The following SV2C variants were observed in gnomAD, a reference collection of about 807,000 sequenced individuals.
SV2C encodes the protein solute carrier family 22 member B3.
A neutral mutation model predicts 79.7 loss-of-function variants in SV2C; 49 were observed. The observed-to-expected ratio is 0.61, with a 90% CI of 0.49 to 0.78. The LOEUF (loss-of-function observed/expected upper bound fraction) is 0.78. SV2C is among the 30% of genes least tolerant of loss of function. SV2C has a pLI of 0.00. For missense variants in SV2C, 833 were observed against 912.9 expected, an observed-to-expected ratio of 0.91 and a Z score of 1.13; for synonymous variants, 334 against 333.2, an observed-to-expected ratio of 1.00 and a Z score of -0.03.
the SV2C span, among the ~76,000 whole-genome samples, chr5:76,058,406 A>G: frequency 6.6e-6 from 1 of 152,156 alleles, no homozygotes; most frequent in African/African-American, 2.4e-5. Context: ...GACAACTTCA[A>G]GCTAACTGTC....
At chr5:75,868,289 G>C in the SV2C span, among the ~76,000 whole-genome samples, 1 of 152,170 alleles carries the variant, frequency 6.6e-6, no homozygotes, top group African/African-American at 2.4e-5. Flanking sequence ...TAACACCCAT[G>C]TATACAAAAC....
At chr5:76,301,726 T>C (rs1355977526) in intron 12 of SV2C, among the ~76,000 whole-genome samples, 181 bp downstream of exon 12, 1 of 151,948 alleles carries the variant, frequency 6.6e-6, no homozygotes, top group Non-Finnish European at 1.5e-5. Flanking sequence ...CTGGCCAATA[T>C]GGTGAAACCT....
intron 2 of SV2C, among the ~76,000 whole-genome samples, chr5:76,138,455 C>T (rs1023837889): frequency 1.3e-5 from 2 of 152,164 alleles, no homozygotes; most frequent in African/African-American, 4.8e-5. Context: ...GAGTAATCAC[C>T]TGTTGAACTT....
chr5:76,274,347 C>T (rs939756701), intron 4 of SV2C, among the ~76,000 whole-genome samples: 1 of 152,082 alleles, frequency 6.6e-6, no homozygotes, highest in African/African-American at 2.4e-5. Context: ...AGTAAAAGTC[C>T]TCATGAGCTT....
At chr5:76,198,839 A>G (rs1184947913) in intron 3 of SV2C, among the ~76,000 whole-genome samples, 1 of 152,012 alleles carries the variant, frequency 6.6e-6, no homozygotes, top group Admixed American at 6.6e-5. Context: ...ACATTGTAAC[A>G]CCTACTCTAC....
intron 4 of SV2C, among the ~76,000 whole-genome samples, chr5:76,223,076 C>A (rs918547179): frequency 6.6e-6 from 1 of 152,124 alleles, no homozygotes; most frequent in Non-Finnish European, 1.5e-5. Flanking sequence ...CCAGCTACCC[C>A]TTGTCTGTCC....
chr5:75,932,189 C>A, the SV2C span, among the ~76,000 whole-genome samples: 1 of 152,226 alleles, frequency 6.6e-6, no homozygotes, highest in Non-Finnish European at 1.5e-5. Flanking sequence ...CAGGGAGCCA[C>A]TTCCTTCTTC....
intron 4 of SV2C, among the ~76,000 whole-genome samples, chr5:76,239,871 A>G (rs1745728384): frequency 6.6e-6 from 1 of 152,186 alleles, no homozygotes; most frequent in South Asian, 2.1e-4. Context: ...GTGGATCGCT[A>G]GGGGCATCTT....
chr5:76,041,830 T>A, the SV2C span, among the ~76,000 whole-genome samples: 1 of 152,202 alleles, frequency 6.6e-6, no homozygotes, highest in African/African-American at 2.4e-5. Flanking sequence ...CTTGTTGTCA[T>A]CTTTCATTAC....
intron 4 of SV2C, among the ~76,000 whole-genome samples, chr5:76,261,596 T>G (rs1484246791): frequency 6.6e-6 from 1 of 152,208 alleles, no homozygotes; most frequent in Non-Finnish European, 1.5e-5. Context: ...CAAATAGATT[T>G]ATTATTTTGA....
At chr5:76,240,472 G>A (rs1745752044) in intron 4 of SV2C, among the ~76,000 whole-genome samples, 1 of 152,162 alleles carries the variant, frequency 6.6e-6, no homozygotes, top group African/African-American at 2.4e-5. Context: ...GAAGTGCAGG[G>A]GAAGTAACTA....
At chr5:76,254,322 C>G (rs1746207343) in intron 4 of SV2C, among the ~76,000 whole-genome samples, 1 of 151,174 alleles carries the variant, frequency 6.6e-6, no homozygotes, top group Non-Finnish European at 1.5e-5. Flanking sequence ...ATCCAGCCAG[C>G]CAATGTGGCA....
At chr5:76,003,013 G>C in the SV2C span, among the ~76,000 whole-genome samples, 2 of 152,094 alleles carry the variant, frequency 1.3e-5, no homozygotes, top group Admixed American at 1.3e-4. Flanking sequence ...GAATCATGGG[G>C]GTTGTTTCCC....
chr5:76,291,735 G>A (rs1205371162), intron 7 of SV2C, 33 bp from the exon 8 acceptor site: 1 of 1,520,954 alleles, frequency 6.6e-7, no homozygotes, highest in Non-Finnish European at 9.1e-7. Context: ...CTAAGTAACT[G>A]CATGAGAAAA....
the SV2C span, among the ~76,000 whole-genome samples, chr5:76,037,883 C>T: frequency 1.3e-5 from 2 of 152,332 alleles, no homozygotes; most frequent in African/African-American, 4.8e-5. Flanking sequence ...GCTGTGCTAG[C>T]AATCAGTGAG....
At chr5:76,252,306 A>C (rs1486748922) in intron 4 of SV2C, among the ~76,000 whole-genome samples, 2 of 152,166 alleles carry the variant, frequency 1.3e-5, no homozygotes, top group Non-Finnish European at 1.5e-5. Context: ...TTTTTAGTAG[A>C]GATGGGGTTT....
chr5:75,953,324 T>G, the SV2C span, among the ~76,000 whole-genome samples: 2 of 151,970 alleles, frequency 1.3e-5, no homozygotes, highest in African/African-American at 4.8e-5. Flanking sequence ...TACCCAACAC[T>G]GAGGGTCACA....
At chr5:76,347,057 G>A (rs1749558480) in intron 12 of SV2C, among the ~76,000 whole-genome samples, 1 of 152,162 alleles carries the variant, frequency 6.6e-6, no homozygotes, top group South Asian at 2.1e-4. Context: ...AAGTGAGAGG[G>A]AAAAAAGAGG....
chr5:76,284,917 A>G (rs537216360), intron 4 of SV2C, among the ~76,000 whole-genome samples: 2 of 152,298 alleles, frequency 1.3e-5, no homozygotes, highest in South Asian at 4.1e-4. Context: ...GGGGTTTGGT[A>G]CATGCATACC....
Sources: gnomAD v4.1 joint callset for allele counts (sites outside exome capture counted in the v4.1 genomes callset) on GRCh38, gnomAD v4.1.1 for gene constraint, MANE v1.5 for transcripts, NCBI Gene and HGNC (gene_info 2026-07-23, HGNC 2026-07-21) for gene names.